Variants in TSPAN5 observed in about 807,000 individuals in gnomAD.
The protein encoded by TSPAN5 is tetraspanin 5.
TSPAN5 carries 10 observed loss-of-function variants against 37.1 expected under a neutral mutation model. The ratio of observed to expected loss-of-function variants is 0.27; its 90% CI spans 0.17 to 0.46. TSPAN5 has a LOEUF of 0.46. TSPAN5 is among the 20% of genes least tolerant of loss of function. TSPAN5 has a pLI of 1.00. For synonymous variants in TSPAN5, 110 were observed against 118.9 expected, an observed-to-expected ratio of 0.93 and a Z score of 0.48; for missense variants, 195 against 326.6, an observed-to-expected ratio of 0.60 and a Z score of 3.11.
At chr4:98,495,168 T>A (rs1753173081) in intron 2 of TSPAN5, among the ~76,000 whole-genome samples, 1 of 152,158 alleles carries the variant, frequency 6.6e-6, no homozygotes, top group African/African-American at 2.4e-5. Flanking sequence ...TGAACTATGT[T>A]CTATCCCCGT....
chr4:98,508,538 T>G (rs2110287107), intron 1 of TSPAN5, among the ~76,000 whole-genome samples: 1 of 150,982 alleles, frequency 6.6e-6, no homozygotes, highest in East Asian at 1.9e-4. Flanking sequence ...TTTTTTTTTT[T>G]TTTTGAGATG....
intron 1 of TSPAN5, among the ~76,000 whole-genome samples, chr4:98,626,725 C>T (rs1756609846): frequency 6.6e-6 from 1 of 152,120 alleles, no homozygotes; most frequent in South Asian, 2.1e-4. Context: ...GAGGCCTTCC[C>T]TGGCCACTTT....
intron 1 of TSPAN5, among the ~76,000 whole-genome samples, chr4:98,533,507 G>A (rs980599169): frequency 7.6e-6 from 1 of 131,042 alleles, no homozygotes; most frequent in Non-Finnish European, 1.6e-5. Context: ...ATGGTAGTCT[G>A]TACTTCTGCG....
intron 1 of TSPAN5, among the ~76,000 whole-genome samples, chr4:98,529,905 C>T: frequency 6.6e-6 from 1 of 152,138 alleles, no homozygotes. Context: ...AAAAGAATCA[C>T]CAATTAAAAA....
chr4:98,616,868 A>ACTTTT (rs1756353117), intron 1 of TSPAN5, among the ~76,000 whole-genome samples: 1 of 144,286 alleles, frequency 6.9e-6, no homozygotes, highest in African/African-American at 2.6e-5. Flanking sequence ...CTCCACGTAA[A>ACTTTT]TTTTTTTTTT....
At chr4:98,571,451 CT>C (rs149449613) in intron 1 of TSPAN5, among the ~76,000 whole-genome samples, 90,815 of 132,356 alleles carry the variant, frequency 0.69, 30,283 homozygotes, top group South Asian at 0.85. Flanking sequence ...ACCGTTCTGG[CT>C]TTTTTTTTTT....
At chr4:98,509,489 T>C (rs573797146) in intron 1 of TSPAN5, among the ~76,000 whole-genome samples, 71 of 152,302 alleles carry the variant, frequency 4.7e-4, no homozygotes, top group Admixed American at 9.8e-4. Context: ...CTCTCGACAC[T>C]CATCTGACAT....
chr4:98,619,971 T>C (rs1756444215), intron 1 of TSPAN5, among the ~76,000 whole-genome samples: 1 of 152,158 alleles, frequency 6.6e-6, no homozygotes, highest in Admixed American at 6.5e-5. Context: ...TATTATTGCA[T>C]TGAGTACTAG....
intron 1 of TSPAN5, among the ~76,000 whole-genome samples, chr4:98,652,035 T>A (rs1757200449): frequency 6.6e-6 from 1 of 151,832 alleles, no homozygotes; most frequent in African/African-American, 2.4e-5. Context: ...TTTTTAATTT[T>A]TTTTTGTAGA....
chr4:98,560,822 G>A (rs1162998140), intron 1 of TSPAN5, among the ~76,000 whole-genome samples: 1 of 152,250 alleles, frequency 6.6e-6, no homozygotes, highest in Non-Finnish European at 1.5e-5. Flanking sequence ...TTTCCAGACT[G>A]AGTGGTCTTA....
intron 1 of TSPAN5, among the ~76,000 whole-genome samples, chr4:98,582,246 G>T (rs901035497): frequency 6.6e-6 from 1 of 152,230 alleles, no homozygotes. Flanking sequence ...GCAACCGCAT[G>T]TTGCGTTTGC....
intron 1 of TSPAN5, among the ~76,000 whole-genome samples, chr4:98,626,237 T>C (rs187352200): frequency 1.3e-3 from 194 of 152,262 alleles, no homozygotes; most frequent in African/African-American, 1.2e-3. Flanking sequence ...GTACATCTTA[T>C]GTATTCTAAA....
At chr4:98,563,664 G>A (rs1011132849) in intron 1 of TSPAN5, among the ~76,000 whole-genome samples, 6 of 152,134 alleles carry the variant, frequency 3.9e-5, no homozygotes, top group African/African-American at 1.4e-4. Context: ...ATTTTCAAAT[G>A]GCTTTTCCAA....
intron 1 of TSPAN5, among the ~76,000 whole-genome samples, chr4:98,573,193 C>T (rs1755164984): frequency 6.6e-6 from 1 of 152,100 alleles, no homozygotes; most frequent in Admixed American, 6.5e-5. Context: ...TGGCTATTAA[C>T]CCAAGCAACA....
At chr4:98,481,647 GA>G (rs1752840902) in intron 4 of TSPAN5, among the ~76,000 whole-genome samples, 1 of 152,174 alleles carries the variant, frequency 6.6e-6, no homozygotes, top group Non-Finnish European at 1.5e-5. Flanking sequence ...GGGGGCAAGG[GA>G]TAAGAAAGAA....
chr4:98,579,973 CAT>C (rs1755332976), intron 1 of TSPAN5, among the ~76,000 whole-genome samples: 1 of 152,128 alleles, frequency 6.6e-6, no homozygotes, highest in Non-Finnish European at 1.5e-5. Context: ...ATGAACGTAT[CAT>C]ATATATGACT....
intron 1 of TSPAN5, among the ~76,000 whole-genome samples, chr4:98,601,856 G>A (rs1218716343): frequency 1.3e-5 from 2 of 152,176 alleles, no homozygotes; most frequent in Admixed American, 1.3e-4. Context: ...TAAAGTGAGA[G>A]ACATGTGACT....
chr4:98,565,182 G>C (rs1754974781), intron 1 of TSPAN5, among the ~76,000 whole-genome samples: 1 of 152,170 alleles, frequency 6.6e-6, no homozygotes, highest in Admixed American at 6.5e-5. Context: ...TGAGTAGATA[G>C]AGGGCATTTT....
intron 2 of TSPAN5, among the ~76,000 whole-genome samples, chr4:98,501,216 C>A (rs1229844150): frequency 6.6e-6 from 1 of 152,082 alleles, no homozygotes; most frequent in Non-Finnish European, 1.5e-5. Flanking sequence ...GTTTCTAACC[C>A]CGTATTATTC....
Sources: gnomAD v4.1 joint callset for allele counts (sites outside exome capture counted in the v4.1 genomes callset) on GRCh38, gnomAD v4.1.1 for gene constraint, MANE v1.5 for transcripts, NCBI Gene and HGNC (gene_info 2026-07-23, HGNC 2026-07-21) for gene names.